CSNK1G1: variants seen among roughly 807,000 people sequenced by gnomAD.
CSNK1G1 encodes the protein casein kinase I isoform gamma-1.
Under a neutral mutation model 59.6 loss-of-function variants are expected in CSNK1G1, and 22 were observed. The ratio of observed to expected loss-of-function variants is 0.37; its 90% CI spans 0.26 to 0.53. The LOEUF is 0.53. Among genes scored for constraint, CSNK1G1 ranks in the 20% least tolerant of loss-of-function variants. CSNK1G1 has a pLI of 0.89. For missense variants in CSNK1G1, 384 were observed against 519.5 expected (o/e 0.74, Z 2.54); for synonymous variants, 179 against 177.1 (o/e 1.01, Z -0.08).
intron 10 of CSNK1G1, among the ~76,000 whole-genome samples, chr15:64,187,347 G>A (rs573712938): frequency 2.5e-4 from 38 of 151,088 alleles, no homozygotes; most frequent in South Asian, 6.4e-4. Flanking sequence ...ATGCGCCACC[G>A]GGCCTGGCTA....
At chr15:64,320,656 G>A (rs1320632241) in intron 1 of CSNK1G1, among the ~76,000 whole-genome samples, 1 of 145,628 alleles carries the variant, frequency 6.9e-6, no homozygotes, top group Non-Finnish European at 1.5e-5. Context: ...TCCAGCCTGG[G>A]TGACAGAACA....
chr15:64,345,342 T>C (rs1383234861), intron 1 of CSNK1G1, among the ~76,000 whole-genome samples: 1 of 152,166 alleles, frequency 6.6e-6, no homozygotes, highest in Non-Finnish European at 1.5e-5. Flanking sequence ...TCCTATTCAG[T>C]TTTTGCCAGC....
chr15:64,274,179 G>C (rs555292087), intron 2 of CSNK1G1, among the ~76,000 whole-genome samples: 1 of 152,296 alleles, frequency 6.6e-6, no homozygotes, highest in African/African-American at 2.4e-5. Flanking sequence ...GAGGTGACTT[G>C]ATAAGTCTCC....
chr15:64,194,088 C>T (rs1042816939), intron 10 of CSNK1G1: 1 of 152,242 alleles, frequency 6.6e-6, no homozygotes, highest in African/African-American at 2.4e-5. Flanking sequence ...GTAAAGGTCC[C>T]AGAAATGAGG....
rs962656615 is a variant in CSNK1G1 at position 64,332,421 on chromosome 15, A to G, written c.-225+23567T>C. Among the ~76,000 whole-genome samples, 9 of 141,446 alleles carry G rather than the reference A, an allele frequency of 6.4e-5. No individual in the cohort carries two copies. In the East Asian group the frequency reaches 1.3e-3, roughly 20 times the overall value. The allele number at this position is 141,446 out of a possible 152,430, so 92.8% of individuals were successfully genotyped here. A position where few individuals can be genotyped will look rare whatever the true frequency, so the allele number is the denominator to read the frequency against. On this transcript the variant is annotated intron_variant, in intron 1 of 11. Transcript: ENST00000303052. Reference sequence around the variant, plus strand: ...CCATCATTCTCAGTAAACTATCACAAGAACAAAAAACCAAACACCGCATAT... The same window carrying G: ...CCATCATTCTCAGTAAACTATCACAGGAACAAAAAACCAAACACCGCATAT...
rs150452537 is a variant in CSNK1G1, at chr15:64,227,002, G to A, written c.293-10289C>T. ...TATTTGAAGACAGCAACTACTGTGT[G>A]TTAATTTTTTGTATGTCAGCACCTA... On this transcript the variant is annotated intron_variant, in intron 4 of 11. Transcript: ENST00000303052. Among the ~76,000 whole-genome samples the A allele has an allele frequency of 2.9e-3, 446 of 152,328 alleles. 3 individuals carry two copies. Among genetic ancestry groups the A allele is most frequent in the African/African-American group, 0.01 (429 of 41,570 alleles).
chr15:64,252,113 T>C (rs1289445331), intron 3 of CSNK1G1, among the ~76,000 whole-genome samples: 2 of 151,232 alleles, frequency 1.3e-5, no homozygotes, highest in Non-Finnish European at 2.9e-5. Flanking sequence ...TTTATCTATA[T>C]ATGTATTAAT....
chr15:64,201,271 C>CAAAAAAAAAAAAAA (rs545719275), intron 10 of CSNK1G1, among the ~76,000 whole-genome samples: 3 of 65,018 alleles, frequency 4.6e-5, no homozygotes, highest in Non-Finnish European at 6.8e-5. Flanking sequence ...GACACTGTCT[C>CAAAAAAAAAAAAAA]AAAAAAAAAA....
intron 4 of CSNK1G1, among the ~76,000 whole-genome samples, chr15:64,242,673 A>G (rs1236155884): frequency 6.6e-6 from 1 of 152,226 alleles, no homozygotes; most frequent in African/African-American, 2.4e-5. Flanking sequence ...AATAACTAAT[A>G]TAAATTCTTC....
Position 64,171,543 on chromosome 15 carries a change from A to G in CSNK1G1, c.*388T>C. 1 of 194,378 alleles carries G rather than the reference A, an allele frequency of 5.1e-6. No individual in the cohort carries two copies. Among genetic ancestry groups the G allele is most frequent in the East Asian group, 1.3e-4 (1 of 7,484 alleles). The allele number at this position is 194,378 out of a possible 1,614,324, so 12.0% of individuals were successfully genotyped here. On this transcript the variant is annotated 3_prime_UTR_variant, in exon 12 of 12. Transcript: ENST00000303052. The surrounding 1 kb of genome is among the most constrained non-coding windows in gnomAD (Gnocchi z 4.8). ...CTGCAGACAAAGCCTTTAGCTCACT[A>G]GGTTTTATGCTGGAGAGGGTTGAGG...
At chr15:64,291,424 TA>T in intron 2 of CSNK1G1, among the ~76,000 whole-genome samples, 1 of 152,108 alleles carries the variant, frequency 6.6e-6, no homozygotes, top group Admixed American at 6.5e-5. Flanking sequence ...CCATCTTTAC[TA>T]AAAATACAAA....
At chr15:64,242,251 T>C (rs1423695363) in intron 4 of CSNK1G1, among the ~76,000 whole-genome samples, 1 of 152,178 alleles carries the variant, frequency 6.6e-6, no homozygotes, top group East Asian at 1.9e-4. Flanking sequence ...CTGATATAGT[T>C]CAAATATTTG....
intron 1 of CSNK1G1, among the ~76,000 whole-genome samples, chr15:64,321,980 A>G (rs1178856449): frequency 6.6e-6 from 1 of 152,242 alleles, no homozygotes; most frequent in South Asian, 2.1e-4. Flanking sequence ...GATCTTATCT[A>G]ACATTTTACT....
At chr15:64,238,518 A>AAAAAAAATATATATATAT (rs1555396879) in intron 4 of CSNK1G1, among the ~76,000 whole-genome samples, 1 of 49,248 alleles carries the variant, frequency 2.0e-5, no homozygotes, top group African/African-American at 1.2e-4. Flanking sequence ...AAAAAAAAAA[A>AAAAAAAATATATATATAT]ATATATATAT....
At chr15:64,193,136 C>T (rs2081993846) in intron 10 of CSNK1G1, among the ~76,000 whole-genome samples, 1 of 151,982 alleles carries the variant, frequency 6.6e-6, no homozygotes, top group Non-Finnish European at 1.5e-5. Flanking sequence ...TATCACACTT[C>T]CAATATTAAA....
At chr15:64,247,843 C>G (rs957718936) in intron 4 of CSNK1G1, among the ~76,000 whole-genome samples, 1 of 152,172 alleles carries the variant, frequency 6.6e-6, no homozygotes, top group Non-Finnish European at 1.5e-5. Context: ...CTCTGGATAT[C>G]ACAGCAATAG....
chr15:64,246,844 C>T (rs1410772328), intron 4 of CSNK1G1, among the ~76,000 whole-genome samples: 2 of 152,040 alleles, frequency 1.3e-5, no homozygotes, highest in African/African-American at 4.8e-5. Flanking sequence ...TGCCGTTTAC[C>T]TACCCTCTAA....
chr15:64,186,443 C>T (rs2081896963), intron 10 of CSNK1G1, among the ~76,000 whole-genome samples: 2 of 152,202 alleles, frequency 1.3e-5, no homozygotes, highest in South Asian at 2.1e-4. Context: ...TCTGATAACA[C>T]ACATCCTCAT....
At chr15:64,349,265 A>G (rs1321346642) in intron 1 of CSNK1G1, among the ~76,000 whole-genome samples, 1 of 152,158 alleles carries the variant, frequency 6.6e-6, no homozygotes, top group African/African-American at 2.4e-5. Context: ...TGGGGATCCA[A>G]TGCTATTGTT....
Sources: allele counts gnomAD v4.1 joint callset (sites outside exome capture counted in the v4.1 genomes callset), GRCh38; gene constraint gnomAD v4.1.1; non-coding constraint Gnocchi (gnomAD v3.1); transcripts MANE v1.5; gene names NCBI Gene and HGNC (gene_info 2026-07-23, HGNC 2026-07-21).